The following KCNB2 variants were observed in gnomAD, a reference collection of about 807,000 sequenced individuals.
The protein encoded by KCNB2 is delayed rectifier potassium channel protein.
A neutral mutation model predicts 61.5 loss-of-function variants in KCNB2; 15 were observed. The observed-to-expected ratio is 0.24, with a 90% CI of 0.16 to 0.38. KCNB2 has a LOEUF of 0.38. KCNB2 is among the 10% of genes least tolerant of loss of function. The pLI is 1.00. For missense variants in KCNB2, 828 were observed against 1,125.2 expected (o/e 0.74, Z 3.78); for synonymous variants, 457 against 446.0 (o/e 1.02, Z -0.31).
intron 2 of KCNB2, among the ~76,000 whole-genome samples, chr8:72,668,865 A>G (rs975161938): frequency 6.6e-6 from 1 of 152,118 alleles, no homozygotes; most frequent in Non-Finnish European, 1.5e-5. Flanking sequence ...CATGATTGTT[A>G]TTCAAAAGAC....
At chr8:72,569,761 A>G (rs972855974) in intron 2 of KCNB2, among the ~76,000 whole-genome samples, 1 of 152,190 alleles carries the variant, frequency 6.6e-6, no homozygotes, top group African/African-American at 2.4e-5. Context: ...AATGAATGAG[A>G]CAGATTCTGG....
intron 2 of KCNB2, among the ~76,000 whole-genome samples, chr8:72,642,897 A>G (rs1806078375): frequency 6.6e-6 from 1 of 152,206 alleles, no homozygotes; most frequent in African/African-American, 2.4e-5. Context: ...CAGAGTATAG[A>G]GGACTTGAAA....
chr8:72,676,042 G>A (rs1806648571), intron 2 of KCNB2, among the ~76,000 whole-genome samples: 1 of 152,118 alleles, frequency 6.6e-6, no homozygotes, highest in African/African-American at 2.4e-5. Flanking sequence ...TTTCAGTAAA[G>A]CAGCAATAAA....
At chr8:72,610,038 T>A (rs1378025859) in intron 2 of KCNB2, among the ~76,000 whole-genome samples, 1 of 152,146 alleles carries the variant, frequency 6.6e-6, no homozygotes, top group Non-Finnish European at 1.5e-5. Flanking sequence ...CCTTCTAAAG[T>A]GTAATCACTT....
Position 72,675,798 on chromosome 8 carries a change from C to T in KCNB2, c.579+107485C>T, listed in dbSNP as rs1563556242. Among the ~76,000 whole-genome samples, 7 of 152,214 alleles carry T rather than the reference C, an allele frequency of 4.6e-5. No individual in the cohort carries two copies. In the South Asian group the frequency reaches 1.0e-3, roughly 23 times the overall value. ...CGAGCTCCTGACCTCGTGATCCTCC[C>T]GCCTCGGCCTCCCAAAGTGCTGGGA... On this transcript the variant is annotated intron_variant, in intron 2 of 2. Coordinates refer to ENST00000523207, the MANE Select transcript of KCNB2 (RefSeq NM_004770.3).
intron 2 of KCNB2, among the ~76,000 whole-genome samples, chr8:72,732,471 A>G (rs1807762781): frequency 6.6e-6 from 1 of 152,226 alleles, no homozygotes; most frequent in Non-Finnish European, 1.5e-5. Context: ...GTCACTTTCT[A>G]TCCTTTGAAC....
chr8:72,553,479 G>A (rs563695965), intron 1 of KCNB2, among the ~76,000 whole-genome samples: 16 of 152,118 alleles, frequency 1.1e-4, no homozygotes, highest in Admixed American at 1.3e-4. Flanking sequence ...TAGAACAAAT[G>A]TGTCTCAGGG....
intron 2 of KCNB2, among the ~76,000 whole-genome samples, chr8:72,925,562 T>C (rs758259671): frequency 1.2e-4 from 18 of 152,150 alleles, no homozygotes; most frequent in Non-Finnish European, 2.4e-4. Flanking sequence ...TCACTGATCA[T>C]TAAAGAAATG....
At chr8:72,837,950 T>A (rs1239791394) in intron 2 of KCNB2, among the ~76,000 whole-genome samples, 1 of 152,196 alleles carries the variant, frequency 6.6e-6, no homozygotes, top group Non-Finnish European at 1.5e-5. Context: ...TAGATAATTA[T>A]TTATGGAGTT....
rs938687681 is a variant in KCNB2 at position 72,936,686 on chromosome 8, A to G, written c.1331A>G (p.Lys444Arg). 6 of 1,614,092 alleles carry G rather than the reference A, an allele frequency of 3.7e-6. No individual in the cohort carries two copies. In the African/African-American group the frequency reaches 5.3e-5, roughly 14 times the overall value. The change falls in exon 3 of 3, where the codon AAA (lysine) becomes AGA (arginine). Residue 444 changes from lysine to arginine, a missense_variant. Physicochemically the swap from Lys to Arg is conservative, Grantham distance 26 (BLOSUM62 2). This residue lies in a region of KCNB2 where 559 missense variants were observed against 588.4 expected (regional missense o/e 0.95). Transcript: ENST00000523207. The surrounding 1 kb of genome is among the most constrained non-coding windows in gnomAD (Gnocchi z 5.6). ...IKRREALERAKRNGSIVSMNL... is the reference protein window; with the variant it reads ...IKRREALERARRNGSIVSMNL... ...AGGAGGGAGGCTCTTGAGCGGGCCA[A>G]AAGGAACGGAAGCATCGTTTCTATG...
At chr8:72,602,569 C>T (rs1407788743) in intron 2 of KCNB2, among the ~76,000 whole-genome samples, 1 of 152,108 alleles carries the variant, frequency 6.6e-6, no homozygotes, top group Non-Finnish European at 1.5e-5. Flanking sequence ...AAGATAGGCA[C>T]TATCTTTTGC....
At chr8:72,578,404 A>G (rs1403239840) in intron 2 of KCNB2, among the ~76,000 whole-genome samples, 4 of 152,232 alleles carry the variant, frequency 2.6e-5, no homozygotes, top group Non-Finnish European at 4.4e-5. Context: ...TGAATTTGCC[A>G]TTTCATATTT....
chr8:72,717,902 G>A (rs1347109765), intron 2 of KCNB2, among the ~76,000 whole-genome samples: 1 of 152,136 alleles, frequency 6.6e-6, no homozygotes, highest in Non-Finnish European at 1.5e-5. Context: ...GAAAATTTTT[G>A]CAACCTCCTC....
chr8:72,895,102 A>G (rs1374231821), intron 2 of KCNB2, among the ~76,000 whole-genome samples: 2 of 152,226 alleles, frequency 1.3e-5, no homozygotes, highest in African/African-American at 2.4e-5. Context: ...TTAGGCATCT[A>G]TAATGACAGA....
chr8:72,779,336 G>C (rs899704638), intron 2 of KCNB2, among the ~76,000 whole-genome samples: 1 of 151,546 alleles, frequency 6.6e-6, no homozygotes, highest in Non-Finnish European at 1.5e-5. Flanking sequence ...TAGCAACAAA[G>C]GATAAAACTG....
At chr8:72,594,234 T>G (rs1411470263) in intron 2 of KCNB2, among the ~76,000 whole-genome samples, 7 of 152,196 alleles carry the variant, frequency 4.6e-5, no homozygotes. Flanking sequence ...AGAAGTTGTT[T>G]TCAATTTCCA....
intron 2 of KCNB2, among the ~76,000 whole-genome samples, chr8:72,601,752 G>A (rs184940971): frequency 1.2e-4 from 19 of 152,296 alleles, no homozygotes; most frequent in Admixed American, 1.0e-3. Context: ...AGGTACTAAT[G>A]TGGTTTCTTG....
chr8:72,714,547 A>C (rs1244861941), intron 2 of KCNB2, among the ~76,000 whole-genome samples: 1 of 152,142 alleles, frequency 6.6e-6, no homozygotes, highest in African/African-American at 2.4e-5. Flanking sequence ...AGAATTTCAT[A>C]TCCAGCCAAA....
At chr8:72,551,283 C>T (rs1806340919) in intron 1 of KCNB2, among the ~76,000 whole-genome samples, 5 of 152,018 alleles carry the variant, frequency 3.3e-5, no homozygotes, top group Admixed American at 2.0e-4. Flanking sequence ...TACCTAAAAC[C>T]CTTAAATGAT....
Sources: gnomAD v4.1 joint callset for allele counts (sites outside exome capture counted in the v4.1 genomes callset) on GRCh38, gnomAD v4.1.1 for gene constraint, gnomAD v4.1.1 regional missense constraint, Gnocchi (gnomAD v3.1) non-coding constraint, MANE v1.5 for transcripts, NCBI Gene and HGNC (gene_info 2026-07-23, HGNC 2026-07-21) for gene names.